Variants in DNAH7 observed in about 807,000 individuals in gnomAD.
DNAH7 encodes the protein axonemal beta dynein heavy chain 7.
A neutral mutation model predicts 444.6 loss-of-function variants in DNAH7; 397 were observed. The observed-to-expected ratio is 0.89, with a 90% confidence interval of 0.82 to 0.97. The LOEUF (loss-of-function observed/expected upper bound fraction) is 0.97, where lower values mean the gene tolerates loss of function less well. DNAH7 is among the 50% of genes least tolerant of loss of function. DNAH7 has a pLI of 0.00. For synonymous variants in DNAH7, 1,636 were observed against 1,624.4 expected (o/e 1.01, Z -0.17); for missense variants, 4,902 against 4,800.8 (o/e 1.02, Z -0.62).
intron 48 of DNAH7, 85 bp from the exon 49 acceptor site, chr2:195,824,530 G>T: frequency 8.5e-7 from 1 of 1,179,246 alleles, no homozygotes; most frequent in Non-Finnish European, 1.1e-6. Flanking sequence ...AGTTCTTTCA[G>T]CCTTATAGAT....
At chr2:195,951,422 T>C (rs879286795) in intron 19 of DNAH7, among the ~76,000 whole-genome samples, 1 of 152,178 alleles carries the variant, frequency 6.6e-6, no homozygotes, top group Non-Finnish European at 1.5e-5. Flanking sequence ...TTCTGTTGAT[T>C]TGGGGCAGAG....
rs1260584069 is a variant in DNAH7 at position 195,891,821 on chromosome 2, AAC to A, written c.4897-19_4897-18del. Reference sequence around the variant, plus strand: ...CATTAGCCCCTTAATGAAAAAAAAAAACATTTATTTATGTAAAGAATACTGTC... The same window carrying A: ...CATTAGCCCCTTAATGAAAAAAAAAAATTTATTTATGTAAAGAATACTGTC... On this transcript the variant is annotated intron_variant, in intron 30 of 64. Coordinates refer to ENST00000312428, the MANE Select transcript of DNAH7 (RefSeq NM_018897.3). 7 of 1,458,184 alleles carry A rather than the reference AAC, an allele frequency of 4.8e-6. No individual in the cohort carries two copies. The highest frequency in any genetic ancestry group is 1.5e-5 in the African/African-American group (1 of 68,406). The allele number at this position is 1,458,184 out of a possible 1,614,324, so 90.3% of individuals were successfully genotyped here. A position where few individuals can be genotyped will look rare whatever the true frequency, so the allele number is the denominator to read the frequency against.
intron 10 of DNAH7, among the ~76,000 whole-genome samples, chr2:196,009,875 A>G (rs1189199603): frequency 6.6e-6 from 1 of 152,222 alleles, no homozygotes; most frequent in East Asian, 1.9e-4. Flanking sequence ...TTCCCAAAAT[A>G]AAATGTACAA....
At chr2:195,893,722 C>T (rs955713765) in intron 30 of DNAH7, 5 of 152,180 alleles carry the variant, frequency 3.3e-5, no homozygotes, top group African/African-American at 1.2e-4. Flanking sequence ...TAGTGTGAAG[C>T]GATAGCTTGG....
Position 196,027,918 on chromosome 2 carries a change from C to T in DNAH7, c.486+42G>A, listed in dbSNP as rs1216221173. Reference sequence around the variant, plus strand: ...AGTATAAAATTATCTTCAAGTGTTTCTTTCCTTTTCAATTATACAGACAAA... The same window carrying T: ...AGTATAAAATTATCTTCAAGTGTTTTTTTCCTTTTCAATTATACAGACAAA... On this transcript the variant is annotated intron_variant, in intron 6 of 64. Transcript: ENST00000312428. 6.4e-6 allele frequency: 10 copies of T among 1,568,556 alleles called. No homozygotes were observed. In the South Asian group the frequency reaches 1.0e-4, roughly 16 times the overall value.
Position 195,858,473 on chromosome 2 carries a change from C to A in DNAH7, c.8067+1G>T. ...TAGAAAGTGTATGGCGAAGCTCTTA[C>A]CTGTGCAGTAAGAGTATCAAGGGCG... On this transcript the variant is annotated splice_donor_variant, in intron 43 of 64. Transcript: ENST00000312428. LOFTEE classifies it high-confidence loss of function. 6.3e-7 allele frequency: 1 copy of A among 1,591,636 alleles called. No individual in the cohort carries two copies. Among genetic ancestry groups the A allele is most frequent in the South Asian group, 1.1e-5 (1 of 87,842 alleles).
chr2:195,771,634 G>C, intron 61 of DNAH7, 26 bp downstream of exon 61: 1 of 1,500,438 alleles, frequency 6.7e-7, no homozygotes, highest in Non-Finnish European at 9.3e-7. Flanking sequence ...TTTAATGGGG[G>C]TTTTTTTTGG....
At chr2:195,855,709 A>G in intron 45 of DNAH7, 102 bp downstream of exon 45, 1 of 1,322,092 alleles carries the variant, frequency 7.6e-7, no homozygotes, top group Non-Finnish European at 1.0e-6. Flanking sequence ...CCAATCCCTG[A>G]CCAGGAAGGA....
chr2:195,921,038 G>T lies in DNAH7; in HGVS notation c.3935+1050C>A, dbSNP rs183187459. Among the ~76,000 whole-genome samples, 80 of 152,150 alleles carry T rather than the reference G, an allele frequency of 5.3e-4. 1 individual carries two copies. The highest frequency in any genetic ancestry group is 9.4e-4 in the Non-Finnish European group (64 of 67,984). On this transcript the variant is annotated intron_variant, in intron 24 of 64. Transcript: ENST00000312428. ...TGATACCACTTTATTCCTGAAGAATGGTCATAATTTAAAAATAAAAAAATA... is the reference window on the plus strand; with the variant it reads ...TGATACCACTTTATTCCTGAAGAATTGTCATAATTTAAAAATAAAAAAATA...
At chr2:195,754,312 C>T (rs777106539) in intron 63 of DNAH7, 25 bp downstream of exon 63, 40 of 1,599,048 alleles carry the variant, frequency 2.5e-5, no homozygotes, top group Non-Finnish European at 1.8e-5. Flanking sequence ...AGATATGAGC[C>T]GACTCATTCT....
At chr2:195,988,838 T>C (rs1011375275) in intron 12 of DNAH7, among the ~76,000 whole-genome samples, 8 of 152,244 alleles carry the variant, frequency 5.3e-5, no homozygotes, top group African/African-American at 1.9e-4. Flanking sequence ...ATCTCCCCCA[T>C]TCCTTGCTAC....
chr2:195,864,647 A>C lies in DNAH7; in HGVS notation c.7008T>G (p.His2336Gln), dbSNP rs1440185005. 2 of 1,614,084 alleles carry C rather than the reference A, an allele frequency of 1.2e-6. No homozygotes were observed. Among genetic ancestry groups the C allele is most frequent in the African/African-American group, 2.7e-5 (2 of 74,936 alleles). The change falls in exon 41 of 65, where the codon CAT (histidine) becomes CAG (glutamine). Residue 2336 changes from histidine (H) to glutamine (Q), a missense_variant. His to Gln is a conservative substitution (Grantham distance 24). Transcript: ENST00000312428. ...TCCCTCCAACCCCTACTAGGAGAGC[A>C]TGGCTGCGAGGCTGCTTCAGGATCC... ...ISRILKQPRS[H>Q]ALLVGVGGSG...
chr2:196,046,228 G>T (rs952476688), intron 5 of DNAH7, among the ~76,000 whole-genome samples: 1 of 152,192 alleles, frequency 6.6e-6, no homozygotes, highest in Non-Finnish European at 1.5e-5. Context: ...CTGCCCTTAT[G>T]GGGGCAGGGC....
At chr2:196,038,906 G>A (rs1294192543) in intron 5 of DNAH7, among the ~76,000 whole-genome samples, 1 of 152,096 alleles carries the variant, frequency 6.6e-6, no homozygotes, top group Non-Finnish European at 1.5e-5. Flanking sequence ...AAGTTAAGGA[G>A]AGACATAGAC....
intron 21 of DNAH7, among the ~76,000 whole-genome samples, chr2:195,930,235 C>G (rs185811931): frequency 5.9e-5 from 9 of 152,238 alleles, no homozygotes; most frequent in Admixed American, 5.9e-4. Flanking sequence ...ACCAGCCACT[C>G]AGGAGCTGAG....
chr2:195,982,689 T>C (rs1692653203), intron 15 of DNAH7, among the ~76,000 whole-genome samples: 1 of 152,192 alleles, frequency 6.6e-6, no homozygotes, highest in Non-Finnish European at 1.5e-5. Flanking sequence ...TGGATGGAAC[T>C]GAAGGTCATT....
intron 12 of DNAH7, chr2:195,994,133 TTCATGA>T (rs1251954842): frequency 5.9e-6 from 1 of 170,002 alleles, no homozygotes; most frequent in Admixed American, 6.3e-5. Flanking sequence ...TGTAGTTTAC[TTCATGA>T]TAATTTCTTG....
rs752745759 is a variant in DNAH7 at position 195,861,734 on chromosome 2, C to T, written c.7719G>A (p.Leu2573=). The change falls in exon 42 of 65, where the codon TTG becomes TTA. Residue 2573 remains leucine (L), a synonymous_variant. Coordinates refer to ENST00000312428, the MANE Select transcript of DNAH7 (RefSeq NM_018897.3). ...YLELISTFKL[L]LEKKRSEVMK... ...ATTTTTACCTTCTTTTCTTTTCTAACAACAGTTTGAAGGTGGAGATTAATT... is the reference window on the plus strand; with the variant it reads ...ATTTTTACCTTCTTTTCTTTTCTAATAACAGTTTGAAGGTGGAGATTAATT... The T allele has an allele frequency of 3.1e-6, 5 of 1,610,074 alleles. No homozygotes were observed. The highest frequency in any genetic ancestry group is 4.2e-6 in the Non-Finnish European group (5 of 1,177,564).
chr2:195,784,441 T>C (rs1055143917), intron 58 of DNAH7, among the ~76,000 whole-genome samples: 2 of 152,234 alleles, frequency 1.3e-5, no homozygotes, highest in African/African-American at 4.8e-5. Context: ...AGCTTATTTC[T>C]TTTTAGCACG....
Sources: gnomAD v4.1 joint callset for allele counts (sites outside exome capture counted in the v4.1 genomes callset) on GRCh38, gnomAD v4.1.1 for gene constraint, MANE v1.5 for transcripts, NCBI Gene and HGNC (gene_info 2026-07-23, HGNC 2026-07-21) for gene names.